KCNH8: variants seen among roughly 807,000 people sequenced by gnomAD.
The protein encoded by KCNH8 is voltage-gated delayed rectifier potassium channel KCNH8.
A neutral mutation model predicts 103.6 loss-of-function variants in KCNH8; 70 were observed. The observed-to-expected ratio is 0.68, with a 90% CI of 0.56 to 0.82. The LOEUF is 0.82. Among genes scored for constraint, KCNH8 ranks in the 40% least tolerant of loss-of-function variants. The pLI is 0.00. For missense variants in KCNH8, 1,217 were observed against 1,329.9 expected, an observed-to-expected ratio of 0.92 and a Z score of 1.32; for synonymous variants, 498 against 489.4, an observed-to-expected ratio of 1.02 and a Z score of -0.23.
chr3:19,473,127 A>G (rs1052374848), intron 11 of KCNH8, among the ~76,000 whole-genome samples: 4 of 152,214 alleles, frequency 2.6e-5, no homozygotes, highest in Admixed American at 2.6e-4. Flanking sequence ...AATCAAGTCA[A>G]ACTCATGGTC....
rs138210202 is a variant in KCNH8 at position 19,321,224 on chromosome 3, G to A, written c.443-21363G>A. ...TTTGTTATTTCTTTTCTTCTGCTGG[G>A]TTTGGGTTTGGTATGTTTTTGTTTC... On this transcript the variant is annotated intron_variant, in intron 3 of 15. Transcript: ENST00000328405. Among the ~76,000 whole-genome samples, 430 of 151,756 alleles carry A rather than the reference G, an allele frequency of 2.8e-3. 12 individuals carry two copies. The highest frequency in any genetic ancestry group is 7.5e-4 in the Non-Finnish European group (51 of 67,826).
chr3:19,499,052 G>C (rs893955486), intron 11 of KCNH8, among the ~76,000 whole-genome samples: 1 of 152,184 alleles, frequency 6.6e-6, no homozygotes, highest in Non-Finnish European at 1.5e-5. Context: ...AAAAAATTTA[G>C]AAGAATGTAT....
intron 10 of KCNH8, among the ~76,000 whole-genome samples, chr3:19,452,984 TGTG>T (rs2067473319): frequency 6.6e-6 from 1 of 152,146 alleles, no homozygotes; most frequent in African/African-American, 2.4e-5. Flanking sequence ...GGATTAAAAA[TGTG>T]GTACATATAT....
chr3:19,329,267 CT>C (rs1178254249), intron 3 of KCNH8, among the ~76,000 whole-genome samples: 2 of 152,116 alleles, frequency 1.3e-5, no homozygotes, highest in African/African-American at 4.8e-5. Context: ...TGACTTAATA[CT>C]TTGGTAAGCC....
At chr3:19,245,397 C>T (rs968328718) in intron 1 of KCNH8, among the ~76,000 whole-genome samples, 7 of 152,104 alleles carry the variant, frequency 4.6e-5, no homozygotes, top group African/African-American at 1.2e-4. Flanking sequence ...AATGTGATGC[C>T]TCTGGCTTTG....
intron 6 of KCNH8, among the ~76,000 whole-genome samples, chr3:19,392,344 A>T (rs2066451024): frequency 6.6e-6 from 1 of 151,196 alleles, no homozygotes; most frequent in Non-Finnish European, 1.5e-5. Context: ...AGAAAAGAAA[A>T]AGGGGAAGGA....
chr3:19,498,753 T>C (rs1031011514), intron 11 of KCNH8, among the ~76,000 whole-genome samples: 86 of 152,210 alleles, frequency 5.7e-4, no homozygotes, highest in African/African-American at 1.9e-3. Context: ...TACAGATGGG[T>C]TTTTTGGTGT....
chr3:19,148,796 G>C lies in KCNH8; in HGVS notation c.76+1G>C, dbSNP rs776722420. On this transcript the variant is annotated splice_donor_variant, in intron 1 of 15. Coordinates refer to ENST00000328405, the MANE Select transcript of KCNH8 (RefSeq NM_144633.3). LOFTEE classifies it high-confidence loss of function. ...ATCGCCACCCGTTTTGACGGAACACGTAAGTCTTACACTTGAACGAGTGGT... is the reference window on the plus strand; with the variant it reads ...ATCGCCACCCGTTTTGACGGAACACCTAAGTCTTACACTTGAACGAGTGGT... 3 of 1,613,344 alleles carry C rather than the reference G, an allele frequency of 1.9e-6. No homozygotes were observed. Among genetic ancestry groups the C allele is most frequent in the South Asian group, 2.2e-5 (2 of 91,072 alleles).
intron 2 of KCNH8, among the ~76,000 whole-genome samples, chr3:19,261,644 G>A (rs11926638): frequency 0.039 from 5,915 of 151,764 alleles, 406 homozygotes; most frequent in African/African-American, 0.13. Flanking sequence ...CTGAATTTTT[G>A]GTGTAAGATT....
At chr3:19,160,555 T>C (rs2063224112) in intron 1 of KCNH8, among the ~76,000 whole-genome samples, 1 of 152,134 alleles carries the variant, frequency 6.6e-6, no homozygotes, top group South Asian at 2.1e-4. Flanking sequence ...TTGTTTAATA[T>C]GTAATTTTAA....
chr3:19,522,433 T>TCAAA lies in KCNH8; in HGVS notation c.2619+4362_2619+4365dup, dbSNP rs766408777. On this transcript the variant is annotated intron_variant, in intron 15 of 15. Coordinates refer to ENST00000328405, the MANE Select transcript of KCNH8 (RefSeq NM_144633.3). ...GCTAGGGAAAGACCAATGTTTTAGC[T>TCAAA]CAAACAGTCAGGCAGGAGGAGTTTC... Among the ~76,000 whole-genome samples, 14 of 151,890 alleles carry TCAAA rather than the reference T, an allele frequency of 9.2e-5. 1 individual carries two copies. Among genetic ancestry groups the TCAAA allele is most frequent in the African/African-American group, 2.7e-4 (11 of 41,486 alleles).
At chr3:19,510,498 C>G in intron 12 of KCNH8, 97 bp downstream of exon 12, 1 of 808,648 alleles carries the variant, frequency 1.2e-6, no homozygotes, top group South Asian at 1.5e-5. Context: ...ATGTATTTAT[C>G]TTTTACTTTC....
intron 3 of KCNH8, among the ~76,000 whole-genome samples, chr3:19,326,365 A>G (rs944211900): frequency 9.5e-5 from 14 of 146,880 alleles, no homozygotes; most frequent in Non-Finnish European, 2.1e-4. Context: ...AAATATATAT[A>G]TATATATATA....
chr3:19,152,016 A>G (rs991896558), intron 1 of KCNH8, among the ~76,000 whole-genome samples: 6 of 152,106 alleles, frequency 3.9e-5, no homozygotes, highest in African/African-American at 1.4e-4. Context: ...AGTAATTCCA[A>G]TTAATTTCTT....
At chr3:19,427,602 GA>G (rs2067047957) in intron 7 of KCNH8, among the ~76,000 whole-genome samples, 1 of 152,150 alleles carries the variant, frequency 6.6e-6, no homozygotes, top group African/African-American at 2.4e-5. Flanking sequence ...AGTAACCAAA[GA>G]GTTCTATTCC....
intron 7 of KCNH8, among the ~76,000 whole-genome samples, chr3:19,417,355 G>C (rs2066879809): frequency 6.6e-6 from 1 of 151,376 alleles, no homozygotes; most frequent in Non-Finnish European, 1.5e-5. Flanking sequence ...CTAAATTCCA[G>C]TGCGATTTTG....
At chr3:19,337,285 C>T (rs2065597144) in intron 3 of KCNH8, among the ~76,000 whole-genome samples, 1 of 151,884 alleles carries the variant, frequency 6.6e-6, no homozygotes, top group African/African-American at 2.4e-5. Flanking sequence ...AAAAAAGAAC[C>T]AAGACAAAGT....
At chr3:19,504,315 C>T (rs2068649650) in intron 11 of KCNH8, among the ~76,000 whole-genome samples, 1 of 152,110 alleles carries the variant, frequency 6.6e-6, no homozygotes, top group Non-Finnish European at 1.5e-5. Flanking sequence ...AAAGCAATTG[C>T]AACAAAAGCA....
chr3:19,446,739 T>C (rs2067368151), intron 8 of KCNH8, among the ~76,000 whole-genome samples: 1 of 151,546 alleles, frequency 6.6e-6, no homozygotes, highest in South Asian at 2.1e-4. Flanking sequence ...AATGATGTTA[T>C]ACTCCAGGAG....
Sources: gnomAD v4.1 joint callset for allele counts (sites outside exome capture counted in the v4.1 genomes callset) on GRCh38, gnomAD v4.1.1 for gene constraint, MANE v1.5 for transcripts, NCBI Gene and HGNC (gene_info 2026-07-23, HGNC 2026-07-21) for gene names.